Variants in DEFB134 observed in about 807,000 individuals in gnomAD.
DEFB134 encodes defensin beta 134.
In DEFB134, 7 loss-of-function variants were observed where a neutral mutation model predicts 7.4. The ratio of observed to expected loss-of-function variants is 0.95; its 90% CI spans 0.54 to 1.79. The LOEUF is 1.79. Ranked by LOEUF, DEFB134 falls within the 40% of genes most tolerant of loss-of-function variation. DEFB134 has a pLI of 0.00. For missense variants in DEFB134, 105 were observed against 74.8 expected (o/e 1.40, Z -1.49); for synonymous variants, 33 against 25.0 (o/e 1.32, Z -0.96).
chr8:11,998,048 C>G (rs553777882), upstream of DEFB134, among the ~76,000 whole-genome samples: 5 of 152,282 alleles, frequency 3.3e-5, no homozygotes, highest in African/African-American at 1.2e-4. Flanking sequence ...AAATAGAAAT[C>G]AATACCAAGA....
At chr8:11,998,589 GTTA>G (rs1800187103), upstream of DEFB134, among the ~76,000 whole-genome samples, 1 of 152,048 alleles carries the variant, frequency 6.6e-6, no homozygotes, top group South Asian at 2.1e-4. Context: ...ACACCAAAAA[GTTA>G]GAGAGATCTC....
rs1464242980 is a variant in DEFB134, at chr8:11,994,062, A to T, written c.119T>A (p.Leu40His). 1.2e-6 allele frequency: 2 copies of T among 1,613,852 alleles called. No individual in the cohort carries two copies. Among genetic ancestry groups the T allele is most frequent in the East Asian group, 2.2e-5 (1 of 44,890 alleles). ...TAACATTTCACTCTCATAGCATTCA[A>T]GTCTGCAGATGCCATTTTTATAGCA... The change falls in exon 2 of 2, where the codon CTT (leucine) becomes CAT (histidine). Residue 40 changes from leucine to histidine, a missense_variant. Coordinates refer to ENST00000526438, the Ensembl canonical transcript of DEFB134.
chr8:12,000,687 G>T (rs992764061), upstream of DEFB134, among the ~76,000 whole-genome samples: 147 of 152,128 alleles, frequency 9.7e-4, 14 homozygotes, highest in Non-Finnish European at 7.4e-5. Flanking sequence ...TGTGAACTCT[G>T]TCTCCCCCAA....
chr8:11,997,385 A>C (rs1304315711), upstream of DEFB134, among the ~76,000 whole-genome samples: 2 of 152,198 alleles, frequency 1.3e-5, no homozygotes, highest in African/African-American at 4.8e-5. Context: ...ACATTCATGT[A>C]CAAGTCATGG....
upstream of DEFB134, chr8:11,999,448 A>T (rs1308509962): frequency 6.4e-6 from 1 of 155,626 alleles, no homozygotes. Context: ...CAGCTGGAAG[A>T]GGCTTTAACC....
In DEFB134 at chr8:11,994,689, T is replaced by C. The variant is rs972201331; in HGVS notation, c.59-567A>G. Among the ~76,000 whole-genome samples the C allele has an allele frequency of 2.6e-5, 4 of 152,272 alleles. No individual in the cohort carries two copies. The East Asian group carries it at 7.7e-4, about 29-fold the overall frequency. On this transcript the variant is annotated intron_variant, in intron 1 of 1. Transcript: ENST00000526438. ...CAAACAATCAAGCTAGCTATTCACA[T>C]AGTCATTCATTCATTATTTTTTAAA...
At chr8:11,997,866 T>G (rs1800167224), upstream of DEFB134, among the ~76,000 whole-genome samples, 1 of 152,156 alleles carries the variant, frequency 6.6e-6, no homozygotes, top group Non-Finnish European at 1.5e-5. Context: ...CTTGACCAAA[T>G]GGACTTAACA....
upstream of DEFB134, among the ~76,000 whole-genome samples, chr8:11,998,266 T>A (rs983971859): frequency 6.6e-6 from 1 of 151,652 alleles, no homozygotes; most frequent in Non-Finnish European, 1.5e-5. Context: ...TTGTGCAACA[T>A]GGTGGGACCC....
intron 1 of DEFB134, 48 bp from the exon 3 acceptor site, chr8:11,994,170 A>G (rs1800058123): frequency 6.4e-7 from 1 of 1,557,660 alleles, no homozygotes; most frequent in African/African-American, 1.4e-5. Context: ...GCCTTTTTGG[A>G]CCATAAAATT....
chr8:11,993,576 T>C (rs1358900757), exon 2 of DEFB134: 1 of 158,336 alleles, frequency 6.3e-6, no homozygotes, highest in African/African-American at 2.4e-5. Flanking sequence ...CAAATCTGCT[T>C]CTCTAAAGTT....
upstream of DEFB134, among the ~76,000 whole-genome samples, chr8:12,000,600 G>A (rs904799968): frequency 5.3e-5 from 8 of 152,078 alleles, no homozygotes; most frequent in African/African-American, 1.9e-4. Flanking sequence ...GGCACAGTAA[G>A]ATTTTAATAA....
chr8:11,994,272 G>A, intron 1 of DEFB134, 150 bp from the exon 3 acceptor site: 1 of 957,710 alleles, frequency 1.0e-6, no homozygotes, highest in East Asian at 2.7e-5. Context: ...AGTGGTAGGG[G>A]CTGAATTGTG....
In DEFB134 at chr8:11,996,129, G is replaced by C. The variant is rs948381520; in HGVS notation, c.58+65C>G. On this transcript the variant is annotated intron_variant, in intron 1 of 1. Coordinates refer to ENST00000526438, the Ensembl canonical transcript of DEFB134. ...GCCCATGGGTGGTGTATGTTTATTG[G>C]GTTGTTTAGTGGCATTGTTCTTCTA... 3.8e-6 allele frequency: 6 copies of C among 1,581,508 alleles called. No individual in the cohort carries two copies. In the African/African-American group the frequency reaches 6.8e-5, roughly 18 times the overall value.
chr8:11,998,032 CA>C (rs1286997434), upstream of DEFB134, among the ~76,000 whole-genome samples: 1 of 152,074 alleles, frequency 6.6e-6, no homozygotes, highest in African/African-American at 2.4e-5. Flanking sequence ...GACCGCAATG[CA>C]ATAAAAATAG....
upstream of DEFB134, among the ~76,000 whole-genome samples, chr8:11,999,895 TGG>T (rs1233074818): frequency 2.6e-5 from 4 of 152,196 alleles, no homozygotes; most frequent in Non-Finnish European, 5.9e-5. Flanking sequence ...CATGGTGCTC[TGG>T]GATTAGAAAA....
upstream of DEFB134, among the ~76,000 whole-genome samples, chr8:11,996,736 T>G (rs539629196): frequency 6.6e-6 from 1 of 152,350 alleles, no homozygotes; most frequent in East Asian, 1.9e-4. Flanking sequence ...TTGTTTAATA[T>G]TTTGTTTTAC....
upstream of DEFB134, among the ~76,000 whole-genome samples, chr8:11,997,097 A>T (rs1270645747): frequency 6.6e-6 from 1 of 152,148 alleles, no homozygotes; most frequent in East Asian, 1.9e-4. Flanking sequence ...CTCTCAGTCT[A>T]AAGGCCACAA....
exon 2 of DEFB134, chr8:11,993,694 C>T (rs1238704412): frequency 3.4e-6 from 1 of 293,218 alleles, no homozygotes. Flanking sequence ...AGAATATCCT[C>T]TATGATTAGA....
At chr8:11,997,327 T>C (rs1455846118), upstream of DEFB134, among the ~76,000 whole-genome samples, 4 of 152,234 alleles carry the variant, frequency 2.6e-5, no homozygotes, top group Non-Finnish European at 5.9e-5. Flanking sequence ...TATTGATTGA[T>C]GTTTGATTAT....
Sources: gnomAD v4.1 joint callset for allele counts (sites outside exome capture counted in the v4.1 genomes callset) on GRCh38, gnomAD v4.1.1 for gene constraint, MANE v1.5 for transcripts, NCBI Gene and HGNC (gene_info 2026-07-23, HGNC 2026-07-21) for gene names.